CPLX1: variants seen among roughly 807,000 people sequenced by gnomAD.
The protein encoded by CPLX1 is complexin-1.
In CPLX1, 6 loss-of-function variants were observed where a neutral mutation model predicts 15.6. The observed-to-expected ratio is 0.39, with a 90% CI of 0.21 to 0.76. CPLX1 has a LOEUF of 0.76. CPLX1 is among the 30% of genes least tolerant of loss of function. CPLX1 has a pLI of 0.43. For missense variants in CPLX1, 242 were observed against 188.6 expected (o/e 1.28, Z -1.66); for synonymous variants, 91 against 75.2 (o/e 1.21, Z -1.08).
chr4:793,873 G>A (rs1303525202), intron 2 of CPLX1, among the ~76,000 whole-genome samples: 1 of 152,226 alleles, frequency 6.6e-6, no homozygotes, highest in African/African-American at 2.4e-5. Flanking sequence ...CCATGCCTCG[G>A]GTAGAGATGT....
chr4:806,380 C>G (rs919361898), intron 2 of CPLX1, among the ~76,000 whole-genome samples: 1 of 152,168 alleles, frequency 6.6e-6, no homozygotes, highest in Non-Finnish European at 1.5e-5. Flanking sequence ...CTTCCTTACA[C>G]CTTATATAAA....
chr4:825,342 A>C (rs1247928694), intron 1 of CPLX1, among the ~76,000 whole-genome samples: 1 of 152,190 alleles, frequency 6.6e-6, no homozygotes, highest in Non-Finnish European at 1.5e-5. Flanking sequence ...CTGGAGAGAC[A>C]CTGTTTGACG....
chr4:823,348 C>T (rs1746907527), intron 2 of CPLX1, among the ~76,000 whole-genome samples: 1 of 152,148 alleles, frequency 6.6e-6, no homozygotes, highest in Admixed American at 6.5e-5. Context: ...GGAAGCACAG[C>T]CACCCTCCGG....
intron 2 of CPLX1, among the ~76,000 whole-genome samples, chr4:797,573 G>A (rs910040187): frequency 1.3e-5 from 2 of 151,860 alleles, no homozygotes; most frequent in Non-Finnish European, 2.9e-5. Flanking sequence ...TGATCCACCC[G>A]CCTCGGCCTC....
intron 2 of CPLX1, among the ~76,000 whole-genome samples, chr4:823,684 C>T (rs927807876): frequency 6.6e-6 from 1 of 152,232 alleles, no homozygotes; most frequent in South Asian, 2.1e-4. Context: ...CTGAGTTGAC[C>T]CATCAGCTCT....
At chr4:804,415 G>A (rs1463193749) in intron 2 of CPLX1, among the ~76,000 whole-genome samples, 1 of 152,150 alleles carries the variant, frequency 6.6e-6, no homozygotes, top group Non-Finnish European at 1.5e-5. Context: ...CAGGAATGAC[G>A]TTCCACTTAC....
intron 2 of CPLX1, among the ~76,000 whole-genome samples, chr4:795,100 TG>T (rs1311150495): frequency 2.0e-5 from 3 of 152,208 alleles, no homozygotes; most frequent in African/African-American, 7.2e-5. Flanking sequence ...GCCGCGAACC[TG>T]GGGAGCGTCA....
rs2152640320 is a variant in CPLX1 at position 785,445 on chromosome 4, GGGCGAGGC to G, written c.*1048_*1055del. 6.5e-6 allele frequency: 1 copy of G among 152,760 alleles called. No individual in the cohort carries two copies. The highest frequency in any genetic ancestry group is 1.9e-4 in the East Asian group (1 of 5,196). The allele number at this position is 152,760 out of a possible 1,614,324, so 9.5% of individuals were successfully genotyped here. On this transcript the variant is annotated 3_prime_UTR_variant, in exon 4 of 4. Coordinates refer to ENST00000304062, the MANE Select transcript of CPLX1 (RefSeq NM_006651.4). ...TTTTGATGTGGACGAAAGGGCCCGG[GGGCGAGGC>G]GGCGCCTGTCAAGATAAAACTCATT...
Position 785,853 on chromosome 4 carries a change from G to C in CPLX1, c.*648C>G, listed in dbSNP as rs1004733019. On this transcript the variant is annotated 3_prime_UTR_variant, in exon 4 of 4. Transcript: ENST00000304062. The stretch of plus-strand genomic sequence containing the variant: ...GAGCGGGGTGACGGGGGTGGGGGCT[G>C]GGCGTCCCCCAAACCTATTGCTTTG... 1 of 152,468 alleles carries C rather than the reference G, an allele frequency of 6.6e-6. No individual in the cohort carries two copies. The highest frequency in any genetic ancestry group is 1.9e-4 in the East Asian group (1 of 5,180). 9.4% of individuals were successfully genotyped at this position (152,468 alleles called of 1,614,324 possible).
chr4:810,069 A>C (rs922227900), intron 2 of CPLX1, among the ~76,000 whole-genome samples: 30 of 79,184 alleles, frequency 3.8e-4, no homozygotes, highest in Non-Finnish European at 5.8e-4. Context: ...TTTTTTTTTG[A>C]GATGGAGTCT....
At chr4:803,518 G>A (rs1384417270) in intron 2 of CPLX1, among the ~76,000 whole-genome samples, 1 of 152,100 alleles carries the variant, frequency 6.6e-6, no homozygotes, top group African/African-American at 2.4e-5. Flanking sequence ...AGCCTCTGGA[G>A]TAGCTGGGAC....
rs1401892378 is a variant in CPLX1, at chr4:792,531, G to T, written c.109C>A (p.Arg37=). 1.9e-6 allele frequency: 3 copies of T among 1,613,252 alleles called. No individual in the cohort carries two copies. The Admixed American group carries it at 5.0e-5, about 27-fold the overall frequency. The change falls in exon 3 of 4, where the codon CGG becomes AGG. Residue 37 remains arginine (R), a synonymous_variant. Transcript: ENST00000304062. The part of the protein sequence containing the change: ...DPDAAKKEEE[R]QEALRQAEEE... ...TCCGCCTGGCGCAGCGCCTCCTGCCGCTCCTCCTCCTTCTTGGCGGCGTCT... is the reference window on the plus strand; with the variant it reads ...TCCGCCTGGCGCAGCGCCTCCTGCCTCTCCTCCTCCTTCTTGGCGGCGTCT...
At chr4:819,194 G>A (rs753728664) in intron 2 of CPLX1, among the ~76,000 whole-genome samples, 11 of 152,260 alleles carry the variant, frequency 7.2e-5, no homozygotes, top group Admixed American at 6.5e-5. Context: ...CAACTGGAAC[G>A]TCTTGCCAAC....
chr4:791,040 C>T (rs552236385), intron 3 of CPLX1, among the ~76,000 whole-genome samples: 101 of 152,210 alleles, frequency 6.6e-4, no homozygotes, highest in African/African-American at 2.2e-3. Context: ...CTGACTCCCC[C>T]TTCCTTCTCC....
chr4:795,371 G>A (rs558397889), intron 2 of CPLX1, among the ~76,000 whole-genome samples: 1 of 152,286 alleles, frequency 6.6e-6, no homozygotes, highest in South Asian at 2.1e-4. Context: ...CGACCCCGCC[G>A]GACCCTGGAA....
intron 3 of CPLX1, chr4:787,942 T>C (rs1746051547): frequency 1.0e-6 from 1 of 985,164 alleles, no homozygotes; most frequent in Admixed American, 6.2e-5. Flanking sequence ...TTCCATCCCC[T>C]GAACAGGACC....
In CPLX1 at chr4:821,311, G is replaced by A. The variant is rs554128499; in HGVS notation, c.31+3181C>T. 2.8e-3 allele frequency among the ~76,000 whole-genome samples: 424 copies of A among 152,206 alleles called. 4 individuals carry two copies. Among genetic ancestry groups the A allele is most frequent in the African/African-American group, 9.8e-3 (405 of 41,520 alleles). ...GGTGAGTCCTGCCTTGGGCTCTGTC[G>A]CTGGGGCAGTCAGAGGCTCTCCTGA... is the stretch of plus-strand genomic sequence containing the variant. On this transcript the variant is annotated intron_variant, in intron 2 of 3. Transcript: ENST00000304062.
chr4:821,416 C>T (rs1298295072), intron 2 of CPLX1, among the ~76,000 whole-genome samples: 1 of 152,212 alleles, frequency 6.6e-6, no homozygotes, highest in African/African-American at 2.4e-5. Context: ...GAAGCCCCGG[C>T]CCGCCTGCCC....
chr4:792,238 G>A (rs970255928), intron 3 of CPLX1, among the ~76,000 whole-genome samples, 195 bp downstream of exon 3: 53 of 152,278 alleles, frequency 3.5e-4, no homozygotes, highest in Non-Finnish European at 3.1e-4. Flanking sequence ...GAGCAGGAGG[G>A]GCTGGGCCCC....
Sources: allele counts gnomAD v4.1 joint callset (sites outside exome capture counted in the v4.1 genomes callset), GRCh38; gene constraint gnomAD v4.1.1; transcripts MANE v1.5; gene names NCBI Gene and HGNC (gene_info 2026-07-23, HGNC 2026-07-21).